Variants in TSHR observed in about 807,000 individuals in gnomAD.
TSHR encodes the protein thyroid stimulating hormone receptor.
In TSHR, 51 loss-of-function variants were observed where a neutral mutation model predicts 64.1. That is an observed-to-expected ratio of 0.80 (90% CI 0.64 to 1.01). The LOEUF (loss-of-function observed/expected upper bound fraction) is 1.01, where lower values mean the gene tolerates loss of function less well. Ranked by LOEUF, TSHR falls within the 50% of genes least tolerant of loss-of-function variation. TSHR has a pLI of 0.00. For missense variants in TSHR, 877 were observed against 942.8 expected (o/e 0.93, Z 0.91); for synonymous variants, 361 against 361.9 (o/e 1.00, Z 0.03).
intron 2 of TSHR, among the ~76,000 whole-genome samples, chr14:81,062,573 C>T (rs1886321772): frequency 6.6e-6 from 1 of 152,114 alleles, no homozygotes. Flanking sequence ...GATAGACAAA[C>T]ATCCATCTGT....
intron 2 of TSHR, among the ~76,000 whole-genome samples, chr14:81,067,322 C>T (rs1055192450): frequency 3.3e-5 from 5 of 151,616 alleles, no homozygotes; most frequent in Non-Finnish European, 5.9e-5. Context: ...TAATAAGAGT[C>T]GACAACATGC....
At chr14:80,982,232 G>A in intron 1 of TSHR, 1 of 627,856 alleles carries the variant, frequency 1.6e-6, no homozygotes, top group Non-Finnish European at 2.7e-6. Flanking sequence ...AAGGCTCTGG[G>A]CAAAGCCACT....
chr14:81,139,654 C>T, intron 8 of TSHR, 25 bp from the exon 9 acceptor site: 1 of 1,613,290 alleles, frequency 6.2e-7, no homozygotes, highest in Non-Finnish European at 8.5e-7. Context: ...TGCCTCTCTG[C>T]ATTTTTCTGT....
chr14:81,080,756 G>T (rs1408553198), intron 3 of TSHR, among the ~76,000 whole-genome samples: 1 of 152,086 alleles, frequency 6.6e-6, no homozygotes. Flanking sequence ...AATTTATTCT[G>T]TGAACTTTCA....
At chr14:80,980,048 A>T (rs192529662) in intron 1 of TSHR, among the ~76,000 whole-genome samples, 230 of 152,260 alleles carry the variant, frequency 1.5e-3, no homozygotes, top group Admixed American at 2.6e-3. Context: ...TTGCAGGCAG[A>T]TCTTTTACTA....
chr14:81,014,622 G>C (rs1158819182), intron 1 of TSHR, among the ~76,000 whole-genome samples: 1 of 152,144 alleles, frequency 6.6e-6, no homozygotes. Context: ...AACATGCCTT[G>C]TTTGCCACAA....
intron 8 of TSHR, among the ~76,000 whole-genome samples, chr14:81,109,798 G>A (rs1260063526): frequency 2.3e-5 from 2 of 88,008 alleles, no homozygotes; most frequent in African/African-American, 4.1e-5. Context: ...GCTGTGCCAC[G>A]TGGGGGTTAC....
intron 1 of TSHR, chr14:80,991,553 A>G (rs117294734): frequency 0.012 from 4,929 of 398,596 alleles, 51 homozygotes; most frequent in Non-Finnish European, 0.018. Context: ...ATTGGAGAAG[A>G]GAGAGGAAAA....
intron 8 of TSHR, among the ~76,000 whole-genome samples, chr14:81,117,519 G>T (rs1263351842): frequency 1.5e-5 from 2 of 130,576 alleles, no homozygotes; most frequent in Non-Finnish European, 3.2e-5. Context: ...AATAACAGGA[G>T]CTGAAATTGT....
intron 1 of TSHR, among the ~76,000 whole-genome samples, chr14:81,056,436 G>A (rs117210848): frequency 1.3e-5 from 2 of 152,218 alleles, no homozygotes; most frequent in East Asian, 3.9e-4. Flanking sequence ...TATATGTAAA[G>A]TATAAGTATA....
chr14:81,104,803 A>G, intron 7 of TSHR: 1 of 985,422 alleles, frequency 1.0e-6, no homozygotes, highest in Non-Finnish European at 1.2e-6. Context: ...CCATGTATGG[A>G]AATCTGACAT....
Position 81,143,423 on chromosome 14 carries a change from C to A in TSHR, c.1365C>A (p.Asn455Lys), listed in dbSNP as rs1447811195. 6.2e-7 allele frequency: 1 copy of A among 1,614,212 alleles called. No individual in the cohort carries two copies. The highest frequency in any genetic ancestry group is 8.5e-7 in the Non-Finnish European group (1 of 1,180,046). ...KLNVPRFLMC[N>K]LAFADFCMGM... ...ACGTCCCCCGCTTTCTCATGTGCAA[C>A]CTGGCCTTTGCGGATTTCTGCATGG... The change falls in exon 10 of 10, where the codon AAC becomes AAA. Residue 455 changes from asparagine (N) to lysine (K), a missense_variant. Physicochemically the swap from Asn to Lys is moderately conservative, Grantham distance 94. Coordinates refer to ENST00000298171, the MANE Select transcript of TSHR (RefSeq NM_000369.5).
Position 81,143,606 on chromosome 14 carries a change from C to G in TSHR, c.1548C>G (p.Thr516=), listed in dbSNP as rs756941542. ...CGGTGTATACGCTGACGGTCATCAC[C>G]CTGGAGCGCTGGTATGCCATCACCT... ...ELSVYTLTVI[T]LERWYAITFA... Residue 516 remains threonine (T), a synonymous_variant, in exon 10 of 10, where the codon ACC becomes ACG. Coordinates refer to ENST00000298171, the MANE Select transcript of TSHR (RefSeq NM_000369.5). 5.0e-6 allele frequency: 8 copies of G among 1,613,632 alleles called. No individual in the cohort carries two copies. In the African/African-American group the frequency reaches 6.7e-5, roughly 13 times the overall value.
chr14:81,136,782 A>G, intron 8 of TSHR, among the ~76,000 whole-genome samples: 1 of 152,306 alleles, frequency 6.6e-6, no homozygotes, highest in East Asian at 1.9e-4. Context: ...GCACCCTCCC[A>G]GTTCAGCCCG....
intron 8 of TSHR, 56 bp from the exon 9 acceptor site, chr14:81,139,623 G>A (rs1891596488): frequency 1.3e-6 from 2 of 1,592,318 alleles, no homozygotes; most frequent in Non-Finnish European, 1.7e-6. Flanking sequence ...GGCCAAGGCT[G>A]AGAAGGCCCT....
chr14:81,020,954 G>A lies in TSHR; in HGVS notation c.171-41194G>A, dbSNP rs539922720. Among the ~76,000 whole-genome samples the A allele has an allele frequency of 1.2e-3, 187 of 151,838 alleles. 1 individual carries two copies. Among genetic ancestry groups the A allele is most frequent in the African/African-American group, 4.2e-3 (172 of 41,382 alleles). ...CAAAATGAGATTACAGAGTAGACTG[G>A]ACATAAGCAACACACTTTGGGTGTC... On this transcript the variant is annotated intron_variant, in intron 1 of 9. Transcript: ENST00000298171.
intron 8 of TSHR, among the ~76,000 whole-genome samples, chr14:81,134,537 C>T (rs1315838437): frequency 2.0e-5 from 3 of 152,166 alleles, no homozygotes; most frequent in South Asian, 4.1e-4. Flanking sequence ...GTTGGCTAAA[C>T]ACCAGTCTAG....
intron 1 of TSHR, among the ~76,000 whole-genome samples, chr14:81,040,082 T>C (rs145825423): frequency 3.2e-4 from 48 of 152,068 alleles, no homozygotes; most frequent in Admixed American, 5.2e-4. Context: ...AAAGCTATAG[T>C]AACCAAAACA....
intron 1 of TSHR, chr14:81,001,375 G>T: frequency 2.8e-6 from 1 of 358,704 alleles, no homozygotes; most frequent in South Asian, 2.3e-5. Context: ...ATGTGGCAGG[G>T]AGAGTACATG....
Sources: gnomAD v4.1 joint callset for allele counts (sites outside exome capture counted in the v4.1 genomes callset) on GRCh38, gnomAD v4.1.1 for gene constraint, MANE v1.5 for transcripts, NCBI Gene and HGNC (gene_info 2026-07-23, HGNC 2026-07-21) for gene names.